Variants in TBC1D32 observed in about 807,000 individuals in gnomAD.
TBC1D32 encodes the protein TBC1 domain family member 32, also known as protein broad-minded.
A neutral mutation model predicts 170.3 loss-of-function variants in TBC1D32; 151 were observed. The ratio of observed to expected loss-of-function variants is 0.89; its 90% CI spans 0.78 to 1.01. TBC1D32 has a LOEUF of 1.01. Ranked by LOEUF, TBC1D32 falls within the 50% of genes least tolerant of loss-of-function variation. TBC1D32 has a pLI of 0.00. For missense variants in TBC1D32, 1,464 were observed against 1,457.1 expected (o/e 1.00, Z -0.08); for synonymous variants, 498 against 488.0 (o/e 1.02, Z -0.27).
chr6:121,176,117 A>T (rs961616728), intron 22 of TBC1D32, among the ~76,000 whole-genome samples: 1 of 152,192 alleles, frequency 6.6e-6, no homozygotes, highest in African/African-American at 2.4e-5. Flanking sequence ...TTAAACAACA[A>T]AGTAATGGAT....
At chr6:121,267,926 G>T (rs1800766651) in intron 15 of TBC1D32, among the ~76,000 whole-genome samples, 1 of 152,046 alleles carries the variant, frequency 6.6e-6, no homozygotes, top group African/African-American at 2.4e-5. Flanking sequence ...GAACGATCAG[G>T]CAGCAACATT....
intron 24 of TBC1D32, among the ~76,000 whole-genome samples, chr6:121,132,394 C>T (rs977877713): frequency 2.0e-5 from 3 of 151,964 alleles, no homozygotes; most frequent in Non-Finnish European, 2.9e-5. Flanking sequence ...AACATATTTA[C>T]CTTCAAGGAT....
intron 24 of TBC1D32, among the ~76,000 whole-genome samples, chr6:121,155,142 T>G (rs1006399133): frequency 1.3e-5 from 2 of 152,150 alleles, no homozygotes; most frequent in Non-Finnish European, 2.9e-5. Context: ...AGCAGAAATA[T>G]TCTTCCATTT....
At chr6:121,322,374 T>C (rs987379658) in intron 1 of TBC1D32, among the ~76,000 whole-genome samples, 4 of 152,172 alleles carry the variant, frequency 2.6e-5, no homozygotes, top group African/African-American at 9.6e-5. Flanking sequence ...ACCAGATCTA[T>C]GTCCCATTAC....
intron 15 of TBC1D32, among the ~76,000 whole-genome samples, chr6:121,260,986 T>G (rs1360115663): frequency 6.6e-6 from 1 of 152,124 alleles, no homozygotes; most frequent in Non-Finnish European, 1.5e-5. Context: ...CCAAGAGGTA[T>G]TCCCCACAGC....
At chr6:121,098,727 G>A (rs1233192552) in intron 30 of TBC1D32, among the ~76,000 whole-genome samples, 1 of 151,962 alleles carries the variant, frequency 6.6e-6, no homozygotes, top group Admixed American at 6.6e-5. Flanking sequence ...GAGGGGTACA[G>A]AAGCAGTGTA....
chr6:121,327,185 A>G (rs111818276), intron 1 of TBC1D32, among the ~76,000 whole-genome samples: 2,886 of 152,226 alleles, frequency 0.019, 102 homozygotes, highest in African/African-American at 0.066. Context: ...TATGTTCACT[A>G]TTTAAGTGAC....
intron 15 of TBC1D32, among the ~76,000 whole-genome samples, chr6:121,257,186 A>G (rs1799156501): frequency 6.6e-6 from 1 of 152,164 alleles, no homozygotes; most frequent in Non-Finnish European, 1.5e-5. Flanking sequence ...TATATCCTAT[A>G]AAGTGATCAT....
chr6:121,162,231 C>G (rs1785799583), intron 22 of TBC1D32, among the ~76,000 whole-genome samples: 1 of 152,124 alleles, frequency 6.6e-6, no homozygotes. Flanking sequence ...GTGTTTGTTG[C>G]CATTGCTTTT....
rs749181486 is a variant in TBC1D32, at chr6:121,157,388, T to G, written c.2773+2622A>C. On this transcript the variant is annotated intron_variant, in intron 24 of 31. Coordinates refer to ENST00000398212, the MANE Select transcript of TBC1D32 (RefSeq NM_152730.6). ...GTTTTTCTGCATCCCTTTGAGCCTG[T>G]GAGTGCCATTACATGTGAGATGTGT... 3.7e-4 allele frequency among the ~76,000 whole-genome samples: 56 copies of G among 152,284 alleles called. No homozygotes were observed. The Middle Eastern group carries it at 0.017, about 46-fold the overall frequency.
intron 15 of TBC1D32, among the ~76,000 whole-genome samples, chr6:121,264,925 G>C (rs1198388179): frequency 6.6e-6 from 1 of 152,062 alleles, no homozygotes; most frequent in Non-Finnish European, 1.5e-5. Flanking sequence ...AAAATAATAA[G>C]AGCTATTTAT....
intron 24 of TBC1D32, among the ~76,000 whole-genome samples, chr6:121,155,093 G>A (rs1784712987): frequency 6.6e-6 from 1 of 152,136 alleles, no homozygotes; most frequent in African/African-American, 2.4e-5. Context: ...GCTTTGGGAA[G>A]TATGGCCATT....
intron 3 of TBC1D32, among the ~76,000 whole-genome samples, chr6:121,312,844 T>C (rs1331559411): frequency 6.6e-6 from 1 of 152,172 alleles, no homozygotes; most frequent in Non-Finnish European, 1.5e-5. Context: ...ACATAGACAA[T>C]ATAAGAAAAG....
intron 26 of TBC1D32, among the ~76,000 whole-genome samples, chr6:121,121,219 C>T (rs1190629164): frequency 6.6e-6 from 1 of 151,912 alleles, no homozygotes; most frequent in Non-Finnish European, 1.5e-5. Flanking sequence ...TACATTCTAG[C>T]TGAAACTTTA....
rs972283015 is a variant in TBC1D32 at position 121,188,446 on chromosome 6, T to C, written c.2570+16629A>G. The stretch of plus-strand genomic sequence containing the variant: ...TTTATACAGACATTATAATGGAAGC[T>C]TTTAATAGAGATTTAATCAAGAATA... On this transcript the variant is annotated intron_variant, in intron 22 of 31. Coordinates refer to ENST00000398212, the MANE Select transcript of TBC1D32 (RefSeq NM_152730.6). Among the ~76,000 whole-genome samples, 21 of 152,116 alleles carry C rather than the reference T, an allele frequency of 1.4e-4. 2 individuals carry two copies. Among genetic ancestry groups the C allele is most frequent in the Admixed American group, 1.2e-3 (19 of 15,258 alleles).
chr6:121,150,271 T>A (rs576146932), intron 24 of TBC1D32, among the ~76,000 whole-genome samples: 1 of 151,510 alleles, frequency 6.6e-6, no homozygotes, highest in Admixed American at 6.6e-5. Flanking sequence ...AGATCATCAA[T>A]GTTTTTGTCT....
intron 26 of TBC1D32, among the ~76,000 whole-genome samples, chr6:121,117,568 G>A (rs1779811652): frequency 6.6e-6 from 1 of 152,062 alleles, no homozygotes; most frequent in African/African-American, 2.4e-5. Context: ...CAGGCGTGGT[G>A]GCACATGTCT....
intron 3 of TBC1D32, 96 bp downstream of exon 3, chr6:121,317,399 A>T: frequency 1.0e-6 from 1 of 960,340 alleles, no homozygotes; most frequent in Non-Finnish European, 1.5e-6. Flanking sequence ...CCTGAATCTT[A>T]AGAAGGCAGG....
In TBC1D32 at chr6:121,080,574, C is replaced by G. The variant is rs1775542410; in HGVS notation, c.*197G>C. 1.6e-6 allele frequency: 1 copy of G among 638,462 alleles called. No homozygotes were observed. Among genetic ancestry groups the G allele is most frequent in the Non-Finnish European group, 2.4e-6 (1 of 409,658 alleles). The allele number at this position is 638,462 out of a possible 1,614,324, so 39.5% of individuals were successfully genotyped here. A position where few individuals can be genotyped will look rare whatever the true frequency, so the allele number is the denominator to read the frequency against. On this transcript the variant is annotated 3_prime_UTR_variant, in exon 32 of 32. Coordinates refer to ENST00000398212, the MANE Select transcript of TBC1D32 (RefSeq NM_152730.6). ...TAAGCTAGATCTGATTCTATAATAA[C>G]CTTACAAAACAACAAATTTACAAAA...
Sources: allele counts gnomAD v4.1 joint callset (sites outside exome capture counted in the v4.1 genomes callset), GRCh38; gene constraint gnomAD v4.1.1; transcripts MANE v1.5; gene names NCBI Gene and HGNC (gene_info 2026-07-23, HGNC 2026-07-21).